Variants in PLCL1 observed in about 807,000 individuals in gnomAD.
The protein encoded by PLCL1 is inactive phospholipase C-like protein 1.
Under a neutral mutation model 84.4 loss-of-function variants are expected in PLCL1, and 41 were observed. The ratio of observed to expected loss-of-function variants is 0.49; its 90% confidence interval spans 0.38 to 0.63. The LOEUF is 0.63. Among genes scored for constraint, PLCL1 ranks in the 30% least tolerant of loss-of-function variants. The probability of loss-of-function intolerance (pLI) is 0.00; values close to 1 mark genes in which losing one functional copy is unlikely to be tolerated. For synonymous variants in PLCL1, 490 were observed against 488.3 expected, an observed-to-expected ratio of 1.00 and a Z score of -0.05; for missense variants, 1,206 against 1,367.8, an observed-to-expected ratio of 0.88 and a Z score of 1.87.
rs1270197847 is a variant in PLCL1, at chr2:198,147,077, T to C, written c.*115T>C. The C allele has an allele frequency of 2.4e-5, 17 of 710,800 alleles. No homozygotes were observed. The highest frequency in any genetic ancestry group is 9.1e-6 in the Non-Finnish European group (4 of 439,974). 44.0% of individuals were successfully genotyped at this position (710,800 alleles called of 1,614,324 possible). ...CAAAATGGTGCCCTATATGGGGTATTGGACATAGATATTTTCACAATGTCA... is the reference window on the plus strand; with the variant it reads ...CAAAATGGTGCCCTATATGGGGTATCGGACATAGATATTTTCACAATGTCA... On this transcript the variant is annotated 3_prime_UTR_variant, in exon 6 of 6. Transcript: ENST00000428675.
At chr2:198,146,668 C>A in intron 5 of PLCL1, 112 bp from the exon 6 acceptor site, 1 of 805,310 alleles carries the variant, frequency 1.2e-6, no homozygotes, top group East Asian at 2.7e-5. Context: ...GCTTGCAGGT[C>A]TGGGTCTGTT....
intron 1 of PLCL1, among the ~76,000 whole-genome samples, chr2:197,955,251 C>A (rs1250510344): frequency 1.3e-5 from 2 of 151,968 alleles, no homozygotes; most frequent in African/African-American, 4.8e-5. Flanking sequence ...AGGTAAAAGC[C>A]TTTGGTGGCT....
chr2:197,976,705 C>T (rs1689989511), intron 1 of PLCL1, among the ~76,000 whole-genome samples: 1 of 152,196 alleles, frequency 6.6e-6, no homozygotes, highest in African/African-American at 2.4e-5. Flanking sequence ...CCTTGGCCTC[C>T]CAAAGTGCTG....
intron 1 of PLCL1, among the ~76,000 whole-genome samples, chr2:198,008,975 G>A (rs1690800958): frequency 6.6e-6 from 1 of 151,926 alleles, no homozygotes; most frequent in African/African-American, 2.4e-5. Context: ...ATCTTTTCAA[G>A]TGCTTATGGG....
chr2:198,040,190 A>G (rs2196176), intron 1 of PLCL1, among the ~76,000 whole-genome samples: 104,272 of 151,986 alleles, frequency 0.69, 36,011 homozygotes, highest in Middle Eastern at 0.87. Flanking sequence ...AGCATAGACG[A>G]GGAGTTGAGG....
intron 1 of PLCL1, among the ~76,000 whole-genome samples, chr2:197,819,840 C>T (rs1315107056): frequency 6.6e-6 from 1 of 151,652 alleles, no homozygotes; most frequent in African/African-American, 2.4e-5. Context: ...CTATCATTAT[C>T]ACTTCCACCT....
chr2:198,017,617 G>A (rs1691028847), intron 1 of PLCL1, among the ~76,000 whole-genome samples: 1 of 152,220 alleles, frequency 6.6e-6, no homozygotes, highest in African/African-American at 2.4e-5. Context: ...GACCTGGGTA[G>A]CACATTGTAA....
At chr2:197,834,316 C>T (rs986728687) in intron 1 of PLCL1, among the ~76,000 whole-genome samples, 5 of 152,110 alleles carry the variant, frequency 3.3e-5, no homozygotes, top group South Asian at 2.1e-4. Flanking sequence ...TCTAATTAAA[C>T]TAAAGAGCTT....
chr2:197,814,133 A>G lies in PLCL1; in HGVS notation c.240+8794A>G, dbSNP rs1266911136. Among the ~76,000 whole-genome samples, 8 of 152,142 alleles carry G rather than the reference A, an allele frequency of 5.3e-5. No individual in the cohort carries two copies. In the East Asian group the frequency reaches 1.5e-3, roughly 29 times the overall value. On this transcript the variant is annotated intron_variant, in intron 1 of 5. Transcript: ENST00000428675. ...TAGTAGTACAAGCAAACTTCACATT[A>G]TCACACTTTGCTTTGTTGTACTTTG...
chr2:197,961,979 G>A (rs1689633169), intron 1 of PLCL1, among the ~76,000 whole-genome samples: 1 of 152,042 alleles, frequency 6.6e-6, no homozygotes, highest in Non-Finnish European at 1.5e-5. Flanking sequence ...TTGTATTTGA[G>A]TAATATAAGT....
At chr2:197,829,892 C>T (rs1691019675) in intron 1 of PLCL1, among the ~76,000 whole-genome samples, 1 of 152,104 alleles carries the variant, frequency 6.6e-6, no homozygotes, top group South Asian at 2.1e-4. Flanking sequence ...AATAATTAGG[C>T]AGGGATTACA....
chr2:198,046,724 A>T (rs1691808720), intron 1 of PLCL1, among the ~76,000 whole-genome samples: 1 of 152,114 alleles, frequency 6.6e-6, no homozygotes, highest in Non-Finnish European at 1.5e-5. Context: ...CTGTAGCCCC[A>T]GCTACTTGGG....
chr2:198,007,685 A>G (rs1428246094), intron 1 of PLCL1, among the ~76,000 whole-genome samples: 2 of 152,170 alleles, frequency 1.3e-5, no homozygotes, highest in Non-Finnish European at 2.9e-5. Context: ...ACCCTCTTCA[A>G]AAAACATGCA....
intron 1 of PLCL1, among the ~76,000 whole-genome samples, chr2:197,853,931 A>G (rs1240911252): frequency 6.6e-6 from 1 of 152,210 alleles, no homozygotes; most frequent in Admixed American, 6.5e-5. Context: ...AGACACTTAT[A>G]GGATCTATCT....
intron 1 of PLCL1, among the ~76,000 whole-genome samples, chr2:197,844,113 G>T (rs920738144): frequency 1.3e-5 from 2 of 151,806 alleles, no homozygotes; most frequent in Non-Finnish European, 2.9e-5. Context: ...TTTATTTTTG[G>T]CAAGTAAACT....
At chr2:198,018,726 C>A (rs1426100539) in intron 1 of PLCL1, among the ~76,000 whole-genome samples, 1 of 152,220 alleles carries the variant, frequency 6.6e-6, no homozygotes, top group African/African-American at 2.4e-5. Context: ...AGGCAGCAGC[C>A]CCAGTCAGGG....
chr2:198,011,293 A>C (rs1690863097), intron 1 of PLCL1, among the ~76,000 whole-genome samples: 1 of 151,450 alleles, frequency 6.6e-6, no homozygotes, highest in South Asian at 2.1e-4. Context: ...GCATTCCATA[A>C]GTTTTGTATG....
chr2:198,095,153 C>T (rs75586441), intron 3 of PLCL1, among the ~76,000 whole-genome samples: 1 of 152,272 alleles, frequency 6.6e-6, no homozygotes, highest in East Asian at 1.9e-4. Flanking sequence ...TTTCCAGAAA[C>T]TGTCCCTGGA....
chr2:198,034,181 C>G (rs376680790), intron 1 of PLCL1, among the ~76,000 whole-genome samples: 3 of 150,280 alleles, frequency 2.0e-5, no homozygotes, highest in Admixed American at 2.0e-4. Context: ...TGTGTGATGT[C>G]CCCCTTCCTG....
Sources: allele counts gnomAD v4.1 joint callset (sites outside exome capture counted in the v4.1 genomes callset), GRCh38; gene constraint gnomAD v4.1.1; transcripts MANE v1.5; gene names NCBI Gene and HGNC (gene_info 2026-07-23, HGNC 2026-07-21).